The following PLA2R1 variants were observed in gnomAD, a reference collection of about 807,000 sequenced individuals.
PLA2R1 encodes phospholipase A2 receptor 1, also known as secretory phospholipase A2 receptor.
In PLA2R1, 158 loss-of-function variants were observed where a neutral mutation model predicts 195.9. The observed-to-expected ratio is 0.81, with a 90% CI of 0.71 to 0.92. The LOEUF (loss-of-function observed/expected upper bound fraction) is 0.92, where lower values mean the gene tolerates loss of function less well. Among genes scored for constraint, PLA2R1 ranks in the 40% least tolerant of loss-of-function variants. The pLI is 0.00. For synonymous variants in PLA2R1, 586 were observed against 598.2 expected (o/e 0.98, Z 0.30); for missense variants, 1,626 against 1,764.6 (o/e 0.92, Z 1.41).
chr2:159,947,700 C>T, intron 25 of PLA2R1, 141 bp from the exon 26 acceptor site: 1 of 809,182 alleles, frequency 1.2e-6, no homozygotes, highest in Non-Finnish European at 2.0e-6. Flanking sequence ...GATTGGGTTT[C>T]ATGTAAATGA....
intron 9 of PLA2R1, 108 bp from the exon 10 acceptor site, chr2:160,013,483 C>T (rs1692500472): frequency 1.9e-6 from 1 of 530,666 alleles, no homozygotes; most frequent in Non-Finnish European, 3.3e-6. Context: ...TCTCTTACTC[C>T]TTTAAAACTC....
intron 1 of PLA2R1, among the ~76,000 whole-genome samples, chr2:160,062,092 G>A (rs1352158549): frequency 6.6e-6 from 1 of 151,740 alleles, no homozygotes; most frequent in African/African-American, 2.4e-5. Flanking sequence ...GGCCGCGCAA[G>A]TGGGGTGCTG....
intron 1 of PLA2R1, among the ~76,000 whole-genome samples, chr2:160,045,406 G>A (rs2105619561): frequency 6.6e-6 from 1 of 152,290 alleles, no homozygotes; most frequent in South Asian, 2.1e-4. Context: ...TTGGCCATAT[G>A]GGAACAAGGG....
intron 1 of PLA2R1, among the ~76,000 whole-genome samples, chr2:160,048,623 A>G (rs1289986404): frequency 6.6e-6 from 1 of 152,182 alleles, no homozygotes; most frequent in Non-Finnish European, 1.5e-5. Context: ...CTTAGTGTGC[A>G]TAGTTGTTGG....
Position 159,966,947 on chromosome 2 carries a change from T to C in PLA2R1, c.2904+592A>G, listed in dbSNP as rs560034761. Among the ~76,000 whole-genome samples the C allele has an allele frequency of 1.4e-4, 21 of 152,280 alleles. 2 individuals carry two copies. In the South Asian group the frequency reaches 4.1e-3, roughly 30 times the overall value. On this transcript the variant is annotated intron_variant, in intron 20 of 29. Transcript: ENST00000283243. ...TTTAAAATATCCCCACTGGCAATTT[T>C]TTTTTTCTTAATTCAAATCTGCATG...
At chr2:160,016,774 C>A (rs1452617507) in intron 8 of PLA2R1, 62 bp from the exon 9 acceptor site, 1 of 710,490 alleles carries the variant, frequency 1.4e-6, no homozygotes, top group Non-Finnish European at 2.4e-6. Context: ...TGGGCAATAG[C>A]AATTCTTATA....
chr2:160,059,889 C>T (rs552552650), intron 1 of PLA2R1, among the ~76,000 whole-genome samples: 1 of 152,308 alleles, frequency 6.6e-6, no homozygotes, highest in South Asian at 2.1e-4. Context: ...GAAAGATTGG[C>T]TCCCATAATT....
At chr2:159,952,978 C>T (rs1279699106) in intron 23 of PLA2R1, among the ~76,000 whole-genome samples, 1 of 152,050 alleles carries the variant, frequency 6.6e-6, no homozygotes, top group Admixed American at 6.6e-5. Flanking sequence ...TAGTCTGTGC[C>T]CAGCCTACGT....
intron 19 of PLA2R1, among the ~76,000 whole-genome samples, chr2:159,967,937 T>C (rs758271217): frequency 7.9e-5 from 12 of 152,198 alleles, no homozygotes; most frequent in East Asian, 1.9e-4. Flanking sequence ...ATTTGAATCA[T>C]AGAACTGATT....
At chr2:159,970,936 A>C (rs1056045224) in intron 17 of PLA2R1, among the ~76,000 whole-genome samples, 1 of 117,930 alleles carries the variant, frequency 8.5e-6, no homozygotes, top group Non-Finnish European at 1.7e-5. Flanking sequence ...GGAACATCAC[A>C]CACTGGGGCC....
intron 3 of PLA2R1, 91 bp from the exon 4 acceptor site, chr2:160,033,223 C>T: frequency 1.1e-5 from 11 of 967,458 alleles, no homozygotes; most frequent in Non-Finnish European, 1.7e-5. Context: ...ATTATTCCAT[C>T]TTGCAATCTC....
rs1232718797 is a variant in PLA2R1 at position 159,935,685 on chromosome 2, T to C, written c.*6093A>G. On this transcript the variant is annotated 3_prime_UTR_variant, in exon 30 of 30. Transcript: ENST00000283243. ...AGTTTCATCTTGTATTTTCCTGCCT[T>C]AGACCTGCAATCAACCACTTTCTCA... 2 of 152,214 alleles carry C rather than the reference T, an allele frequency of 1.3e-5. No homozygotes were observed. Among genetic ancestry groups the C allele is most frequent in the African/African-American group, 2.4e-5 (1 of 41,460 alleles). The allele number at this position is 152,214 out of a possible 1,614,324, so 9.4% of individuals were successfully genotyped here.
chr2:159,930,175 A>G (rs530446131), downstream of PLA2R1, among the ~76,000 whole-genome samples: 7 of 152,198 alleles, frequency 4.6e-5, no homozygotes, highest in East Asian at 1.2e-3. Flanking sequence ...TTGGGAGGCC[A>G]AGGCGGGTGG....
At chr2:159,969,587 G>A (rs1445101823) in intron 18 of PLA2R1, among the ~76,000 whole-genome samples, 2 of 152,136 alleles carry the variant, frequency 1.3e-5, no homozygotes, top group Non-Finnish European at 2.9e-5. Context: ...CTGTCACCCA[G>A]GCTGAGTACA....
At chr2:159,928,082 T>C (rs562619914), downstream of PLA2R1, among the ~76,000 whole-genome samples, 2 of 152,198 alleles carry the variant, frequency 1.3e-5, no homozygotes, top group Admixed American at 1.3e-4. Context: ...ATGACCATTA[T>C]GTCTCAGGCC....
At chr2:159,986,012 C>G (rs987744159) in intron 12 of PLA2R1, among the ~76,000 whole-genome samples, 2 of 152,052 alleles carry the variant, frequency 1.3e-5, no homozygotes, top group Non-Finnish European at 2.9e-5. Context: ...TTTGGGGAGC[C>G]CTCAGCTGTC....
At chr2:160,031,519 C>T (rs117804889) in intron 4 of PLA2R1, among the ~76,000 whole-genome samples, 2 of 152,266 alleles carry the variant, frequency 1.3e-5, no homozygotes, top group East Asian at 3.9e-4. Context: ...TCTATGATTT[C>T]ACCTGTATTA....
chr2:160,020,085 T>C (rs1264875069), intron 8 of PLA2R1, 21 bp downstream of exon 8: 1 of 1,599,538 alleles, frequency 6.3e-7, no homozygotes, highest in Non-Finnish European at 8.5e-7. Flanking sequence ...AAGTGAGCAC[T>C]GAACAAATGA....
At chr2:159,950,842 T>G (rs1687691016) in intron 24 of PLA2R1, among the ~76,000 whole-genome samples, 1 of 152,306 alleles carries the variant, frequency 6.6e-6, no homozygotes, top group Non-Finnish European at 1.5e-5. Flanking sequence ...GTACAATATT[T>G]TATTTAAAAA....
Sources: allele counts gnomAD v4.1 joint callset (sites outside exome capture counted in the v4.1 genomes callset), GRCh38; gene constraint gnomAD v4.1.1; transcripts MANE v1.5; gene names NCBI Gene and HGNC (gene_info 2026-07-23, HGNC 2026-07-21).